REEP1: variants seen among roughly 807,000 people sequenced by gnomAD.
REEP1 encodes receptor accessory protein 1.
Under a neutral mutation model 40.3 loss-of-function variants are expected in REEP1, and 22 were observed. That is an observed-to-expected ratio of 0.55 (90% confidence interval 0.39 to 0.78). The LOEUF is 0.78. REEP1 is among the 30% of genes least tolerant of loss of function. The probability of loss-of-function intolerance (pLI) is 0.00; values close to 1 mark genes in which losing one functional copy is unlikely to be tolerated. For synonymous variants in REEP1, 116 were observed against 139.2 expected (o/e 0.83, Z 1.17); for missense variants, 280 against 361.1 (o/e 0.78, Z 1.82).
chr2:86,306,901 A>C (rs911377374), intron 1 of REEP1, among the ~76,000 whole-genome samples: 3 of 151,352 alleles, frequency 2.0e-5, no homozygotes, highest in Middle Eastern at 3.4e-3. Context: ...AAAAAAAAAA[A>C]CCCTTTTGAA....
intron 1 of REEP1, among the ~76,000 whole-genome samples, chr2:86,319,154 G>A (rs1680165066): frequency 6.6e-6 from 1 of 152,156 alleles, no homozygotes; most frequent in Non-Finnish European, 1.5e-5. Context: ...GCCTGCATAA[G>A]ATAGCCTGGA....
rs570520445 is a variant in REEP1 at position 86,220,056 on chromosome 2, A to G, written c.697T>C (p.Leu233=). 27 of 1,232,110 alleles carry G rather than the reference A, an allele frequency of 2.2e-5. No individual in the cohort carries two copies. In the East Asian group the frequency reaches 6.0e-4, roughly 27 times the overall value. 76.3% of individuals were successfully genotyped at this position (1,232,110 alleles called of 1,614,324 possible). ...TCCTCCTCGTCGTCAGAAAACGCCA[A>G]TGGGTTTTGGACCTGGTGGGGCTCC... ...AWEPHQVQNP[L]AFSDDEEEDL... Residue 233 remains leucine (L), a synonymous_variant, in exon 8 of 9, where the codon TTG becomes CTG. Transcript: ENST00000538924.
chr2:86,337,383 G>T lies in REEP1; in HGVS notation c.32+96C>A. 1 of 789,170 alleles carries T rather than the reference G, an allele frequency of 1.3e-6. No individual in the cohort carries two copies. The highest frequency in any genetic ancestry group is 1.7e-6 in the Non-Finnish European group (1 of 596,934). 48.9% of individuals were successfully genotyped at this position (789,170 alleles called of 1,614,324 possible). On this transcript the variant is annotated intron_variant, in intron 1 of 8. Transcript: ENST00000538924. The surrounding 1 kb of genome is among the most constrained non-coding windows in gnomAD (Gnocchi z 5.8). ...TAGCTGCGCCGGGTATTAATAGCCC[G>T]AGCCACTGGGACCGGGCGCTGTAGG...
rs867107190 is a variant in REEP1, at chr2:86,226,599, G to A, written c.631+764C>T. On this transcript the variant is annotated intron_variant, in intron 7 of 8. Coordinates refer to ENST00000538924, the MANE Select transcript of REEP1 (RefSeq NM_001371279.1). ...TTCTCCTGCCTCAGCCTCTCAAGTA[G>A]TTGGGACTACAGGTGCACACCAGCA... 2.0e-5 allele frequency among the ~76,000 whole-genome samples: 3 copies of A among 149,258 alleles called. No individual in the cohort carries two copies. The South Asian group carries it at 6.4e-4, about 32-fold the overall frequency.
chr2:86,238,292 C>T (rs1675471986), intron 5 of REEP1, among the ~76,000 whole-genome samples: 1 of 152,182 alleles, frequency 6.6e-6, no homozygotes, highest in Admixed American at 6.5e-5. Flanking sequence ...AATGATGTGT[C>T]TCAGAAACCA....
At chr2:86,322,353 G>A (rs926654508) in intron 1 of REEP1, among the ~76,000 whole-genome samples, 1 of 152,190 alleles carries the variant, frequency 6.6e-6, no homozygotes, top group Admixed American at 6.5e-5. Context: ...AGACCAGCCT[G>A]GGCAAAAGAG....
At chr2:86,270,081 C>T (rs1259981040) in intron 2 of REEP1, among the ~76,000 whole-genome samples, 1 of 152,192 alleles carries the variant, frequency 6.6e-6, no homozygotes, top group Non-Finnish European at 1.5e-5. Flanking sequence ...ATTAACAAAA[C>T]TTTTATTATG....
intron 1 of REEP1, among the ~76,000 whole-genome samples, chr2:86,312,122 C>T (rs1679793038): frequency 6.6e-6 from 1 of 152,156 alleles, no homozygotes; most frequent in Admixed American, 6.5e-5. Flanking sequence ...CTCCTCCTGA[C>T]AAACCCTCAC....
At chr2:86,298,168 G>A (rs10451667) in intron 1 of REEP1, among the ~76,000 whole-genome samples, 1,542 of 152,320 alleles carry the variant, frequency 0.01, 28 homozygotes, top group African/African-American at 0.035. Context: ...TGATGGATTG[G>A]TTGGTTTGGG....
At chr2:86,333,907 A>C (rs1680885636) in intron 1 of REEP1, among the ~76,000 whole-genome samples, 1 of 152,220 alleles carries the variant, frequency 6.6e-6, no homozygotes, top group South Asian at 2.1e-4. Context: ...AGTTAGGAGA[A>C]AGAGAGCTGG....
chr2:86,311,706 A>G (rs1679773046), intron 1 of REEP1, among the ~76,000 whole-genome samples: 1 of 152,158 alleles, frequency 6.6e-6, no homozygotes. Context: ...TTACATTTGC[A>G]AAGACTCTAT....
At chr2:86,269,593 T>C (rs1448340895) in intron 2 of REEP1, among the ~76,000 whole-genome samples, 1 of 152,176 alleles carries the variant, frequency 6.6e-6, no homozygotes, top group Non-Finnish European at 1.5e-5. Flanking sequence ...ACCATCTACA[T>C]ACTGGATTAT....
chr2:86,306,989 G>C (rs1284400469), intron 1 of REEP1, among the ~76,000 whole-genome samples: 1 of 152,080 alleles, frequency 6.6e-6, no homozygotes, highest in East Asian at 1.9e-4. Flanking sequence ...CGGATCACCT[G>C]AGATCAGGAG....
intron 2 of REEP1, among the ~76,000 whole-genome samples, chr2:86,273,853 C>T (rs1421353999): frequency 6.6e-6 from 1 of 152,152 alleles, no homozygotes; most frequent in Non-Finnish European, 1.5e-5. Flanking sequence ...GTTTATTCCC[C>T]TGCTTTTCCT....
intron 7 of REEP1, among the ~76,000 whole-genome samples, chr2:86,226,336 C>T (rs1674697267): frequency 6.6e-6 from 1 of 152,088 alleles, no homozygotes; most frequent in Non-Finnish European, 1.5e-5. Context: ...ACAGGGCTCC[C>T]TTGGCTGCCC....
intron 6 of REEP1, among the ~76,000 whole-genome samples, chr2:86,232,295 G>A (rs984930972): frequency 5.3e-5 from 8 of 152,302 alleles, no homozygotes; most frequent in South Asian, 2.1e-4. Flanking sequence ...GGCTCCCGGG[G>A]CCCAGGTCCA....
chr2:86,270,982 A>C (rs1190700267), intron 2 of REEP1, among the ~76,000 whole-genome samples: 3 of 152,176 alleles, frequency 2.0e-5, no homozygotes, highest in African/African-American at 7.2e-5. Flanking sequence ...GCTTGAGGCC[A>C]GGAGTTCTAG....
At chr2:86,239,366 G>A (rs547807378) in intron 5 of REEP1, among the ~76,000 whole-genome samples, 1 of 152,250 alleles carries the variant, frequency 6.6e-6, no homozygotes, top group Non-Finnish European at 1.5e-5. Context: ...CAAGTCACAG[G>A]GGAAGGCTCC....
intron 1 of REEP1, among the ~76,000 whole-genome samples, chr2:86,287,294 T>C (rs2104414607): frequency 6.6e-6 from 1 of 152,194 alleles, no homozygotes; most frequent in South Asian, 2.1e-4. Context: ...CTCCACATTG[T>C]CGAGGCTGGT....
Sources: allele counts gnomAD v4.1 joint callset (sites outside exome capture counted in the v4.1 genomes callset), GRCh38; gene constraint gnomAD v4.1.1; non-coding constraint Gnocchi (gnomAD v3.1); transcripts MANE v1.5; gene names NCBI Gene and HGNC (gene_info 2026-07-23, HGNC 2026-07-21).